RNF8: variants seen among roughly 807,000 people sequenced by gnomAD.
The protein encoded by RNF8 is E3 ubiquitin-protein ligase RNF8.
A neutral mutation model predicts 59.3 loss-of-function variants in RNF8; 8 were observed. The observed-to-expected ratio is 0.13, with a 90% CI of 0.08 to 0.24. The LOEUF is 0.24. Ranked by LOEUF, RNF8 falls within the 10% of genes least tolerant of loss-of-function variation. RNF8 has a pLI of 1.00. For missense variants in RNF8, 406 were observed against 572.6 expected, an observed-to-expected ratio of 0.71 and a Z score of 2.97; for synonymous variants, 162 against 200.0, an observed-to-expected ratio of 0.81 and a Z score of 1.60.
intron 7 of RNF8, among the ~76,000 whole-genome samples, chr6:37,388,111 A>G (rs1342110317): frequency 1.3e-5 from 2 of 152,152 alleles, no homozygotes; most frequent in African/African-American, 2.4e-5. Context: ...TGGGAACAAG[A>G]ATAAAGGCAG....
At position 37,371,520 on chromosome 6, in the gene RNF8, G is replaced by C; in HGVS notation, c.984G>C (p.Glu328Asp). 6.2e-7 allele frequency: 1 copy of C among 1,613,936 alleles called. No homozygotes were observed. The highest frequency in any genetic ancestry group is 8.5e-7 in the Non-Finnish European group (1 of 1,179,962). ...QEEEQHLQGL[E>D]IAQGEKDLKQ... The stretch of plus-strand genomic sequence containing the variant: ...TTGTTTTGGCTTTGCAGGGTTTGGA[G>C]ATAGCCCAAGGAGAAAAGGACCTGA... Residue 328 changes from glutamate (E) to aspartate (D), a missense_variant, in exon 4 of 8, where the codon GAG (glutamate) becomes GAC (aspartate). Physicochemically the swap from Glu to Asp is conservative, Grantham distance 45. This residue lies in a region of RNF8 where 285 missense variants were observed against 342.0 expected (regional missense o/e 0.83). Transcript: ENST00000373479.
chr6:37,369,630 C>G (rs1055234648), intron 3 of RNF8, among the ~76,000 whole-genome samples: 2 of 152,206 alleles, frequency 1.3e-5, no homozygotes, highest in African/African-American at 4.8e-5. Context: ...GCTCTGTGGC[C>G]AAGGCCAAAT....
chr6:37,353,999 C>T lies in RNF8; in HGVS notation c.-166C>T. ...TGCGCAGGCGTAGTGCTCCTGCTTC[C>T]TGGCCGAGGGCGGGCGAGCGGAGCC... is the stretch of plus-strand genomic sequence containing the variant. On this transcript the variant is annotated 5_prime_UTR_variant, in exon 1 of 8. Coordinates refer to ENST00000373479, the MANE Select transcript of RNF8 (RefSeq NM_003958.4). The T allele has an allele frequency of 1.5e-6, 1 of 663,594 alleles. No individual in the cohort carries two copies. The highest frequency in any genetic ancestry group is 2.6e-6 in the Non-Finnish European group (1 of 381,576). 41.1% of individuals were successfully genotyped at this position (663,594 alleles called of 1,614,324 possible).
chr6:37,372,840 A>G (rs1315755222), intron 4 of RNF8, among the ~76,000 whole-genome samples: 1 of 152,166 alleles, frequency 6.6e-6, no homozygotes, highest in East Asian at 1.9e-4. Flanking sequence ...GTGGTGGCGC[A>G]TGCCTGTAAT....
intron 4 of RNF8, 53 bp downstream of exon 4, chr6:37,371,627 C>A: frequency 6.9e-7 from 1 of 1,451,792 alleles, no homozygotes; most frequent in Non-Finnish European, 9.7e-7. Context: ...GGGGAGCAAA[C>A]AGGCATCACA....
chr6:37,381,896 A>G (rs2113831660), intron 7 of RNF8, among the ~76,000 whole-genome samples: 1 of 152,264 alleles, frequency 6.6e-6, no homozygotes, highest in Admixed American at 6.5e-5. Flanking sequence ...CCCAAGGAAG[A>G]CATTCTGACC....
chr6:37,361,231 T>C, intron 2 of RNF8: 1 of 454,556 alleles, frequency 2.2e-6, no homozygotes, highest in South Asian at 1.6e-5. Flanking sequence ...CTGGAGAAGC[T>C]GAGGCCAGAG....
rs1360187344 is a variant in RNF8 at position 37,360,307 on chromosome 6, G to C, written c.112-139G>C. The stretch of plus-strand genomic sequence containing the variant: ...CAAGACAGCTGAAGAGGAGATAGCT[G>C]ATGCACTGTTTTGGTTCCACAGGTG... On this transcript the variant is annotated intron_variant, in intron 1 of 7. Coordinates refer to ENST00000373479, the MANE Select transcript of RNF8 (RefSeq NM_003958.4). The surrounding 1 kb of genome is among the most constrained non-coding windows in gnomAD (Gnocchi z 4.2). The C allele has an allele frequency of 7.0e-6, 6 of 860,204 alleles. No individual in the cohort carries two copies. The highest frequency in any genetic ancestry group is 1.1e-5 in the Non-Finnish European group (6 of 532,744). The allele number at this position is 860,204 out of a possible 1,614,324, so 53.3% of individuals were successfully genotyped here.
chr6:37,370,881 T>C (rs1441461694), intron 3 of RNF8, among the ~76,000 whole-genome samples: 1 of 152,110 alleles, frequency 6.6e-6, no homozygotes, highest in African/African-American at 2.4e-5. Context: ...TAGAGAACAA[T>C]TTCAAGTTGG....
At chr6:37,387,166 T>G (rs1351549367) in intron 7 of RNF8, among the ~76,000 whole-genome samples, 1 of 152,200 alleles carries the variant, frequency 6.6e-6, no homozygotes, top group Non-Finnish European at 1.5e-5. Flanking sequence ...TGGATATATA[T>G]TCTGTCCAAC....
At chr6:37,364,719 G>C (rs1459308070) in intron 2 of RNF8, among the ~76,000 whole-genome samples, 1 of 152,122 alleles carries the variant, frequency 6.6e-6, no homozygotes. Flanking sequence ...ATTAATGAAA[G>C]CTTATGTTCT....
chr6:37,375,142 C>T (rs1329150049), intron 5 of RNF8, among the ~76,000 whole-genome samples: 1 of 152,208 alleles, frequency 6.6e-6, no homozygotes, highest in Non-Finnish European at 1.5e-5. Context: ...TAAATGCCCA[C>T]CAGGGCCAGA....
intron 4 of RNF8, among the ~76,000 whole-genome samples, chr6:37,373,532 G>A (rs567806347): frequency 6.6e-6 from 1 of 152,272 alleles, no homozygotes; most frequent in South Asian, 2.1e-4. Flanking sequence ...TCAGCCTCCT[G>A]AGTAGCTGGA....
In RNF8 at chr6:37,354,291, TC is replaced by T. The variant is rs1177410453; in HGVS notation, c.111+18del. On this transcript the variant is annotated intron_variant, in intron 1 of 7. Coordinates refer to ENST00000373479, the MANE Select transcript of RNF8 (RefSeq NM_003958.4). ...TGGGTGCGAGGTACGGGGGAAGGGG[TC>T]CTGTGGAGCGGAGGGCAGGGGCTGG... The T allele has an allele frequency of 6.5e-7, 1 of 1,532,968 alleles. No individual in the cohort carries two copies. The highest frequency in any genetic ancestry group is 1.9e-5 in the Admixed American group (1 of 51,654). 95.0% of individuals were successfully genotyped at this position (1,532,968 alleles called of 1,614,324 possible).
intron 7 of RNF8, 25 bp downstream of exon 7, chr6:37,381,379 C>T: frequency 1.9e-6 from 3 of 1,597,886 alleles, no homozygotes; most frequent in Middle Eastern, 1.7e-4. Flanking sequence ...GAATTCCTAC[C>T]CCTCAAGAAA....
At chr6:37,359,363 T>G (rs1045056391) in intron 1 of RNF8, 1 of 291,468 alleles carries the variant, frequency 3.4e-6, no homozygotes, top group Admixed American at 4.7e-5. Flanking sequence ...ATGGTGTGGG[T>G]TAATGTTTAC....
In RNF8 at chr6:37,381,170, C is replaced by T. The variant is rs1309634048; in HGVS notation, c.1257C>T (p.Ala419=). 2 of 1,613,790 alleles carry T rather than the reference C, an allele frequency of 1.2e-6. No individual in the cohort carries two copies. The highest frequency in any genetic ancestry group is 1.7e-5 in the Admixed American group (1 of 59,996). ...TGTAGGCTGTCACCTTGAACTGTGC[C>T]CACAGTTTCTGCTCCTACTGTATCA... ...YFIEAVTLNC[A]HSFCSYCINE... The change falls in exon 7 of 8, where the codon GCC becomes GCT. Residue 419 remains alanine, a synonymous_variant. Coordinates refer to ENST00000373479, the MANE Select transcript of RNF8 (RefSeq NM_003958.4).
At chr6:37,381,840 G>A (rs1770277774) in intron 7 of RNF8, among the ~76,000 whole-genome samples, 1 of 152,226 alleles carries the variant, frequency 6.6e-6, no homozygotes, top group Admixed American at 6.5e-5. Flanking sequence ...GGAGGCAGCA[G>A]GCTTGTCACA....
At chr6:37,378,250 C>T (rs564951373) in intron 6 of RNF8, among the ~76,000 whole-genome samples, 1 of 151,840 alleles carries the variant, frequency 6.6e-6, no homozygotes, top group African/African-American at 2.4e-5. Context: ...GTCGAGATCA[C>T]GCAACTGCAC....
Sources: gnomAD v4.1 joint callset for allele counts (sites outside exome capture counted in the v4.1 genomes callset) on GRCh38, gnomAD v4.1.1 for gene constraint, gnomAD v4.1.1 regional missense constraint, Gnocchi (gnomAD v3.1) non-coding constraint, MANE v1.5 for transcripts, NCBI Gene and HGNC (gene_info 2026-07-23, HGNC 2026-07-21) for gene names.